The following ALOX5AP variants were observed in gnomAD, a reference collection of about 807,000 sequenced individuals.
ALOX5AP encodes the protein arachidonate 5-lipoxygenase activating protein, also known as arachidonate 5-lipoxygenase-activating protein.
ALOX5AP carries 9 observed loss-of-function variants against 18.5 expected under a neutral mutation model. The ratio of observed to expected loss-of-function variants is 0.49; its 90% CI spans 0.29 to 0.85. The LOEUF (loss-of-function observed/expected upper bound fraction) is 0.85, where lower values mean the gene tolerates loss of function less well. Among genes scored for constraint, ALOX5AP ranks in the 40% least tolerant of loss-of-function variants. ALOX5AP has a pLI of 0.08. For synonymous variants in ALOX5AP, 81 were observed against 78.6 expected (o/e 1.03, Z -0.16); for missense variants, 172 against 202.5 (o/e 0.85, Z 0.91).
chr13:30,746,106 T>C (rs1951807082), intron 2 of ALOX5AP, among the ~76,000 whole-genome samples: 1 of 152,236 alleles, frequency 6.6e-6, no homozygotes, highest in African/African-American at 2.4e-5. Flanking sequence ...TGCTTAGACC[T>C]GGGCTCGCTA....
chr13:30,728,563 T>A (rs1951656235), intron 1 of ALOX5AP, among the ~76,000 whole-genome samples: 1 of 152,252 alleles, frequency 6.6e-6, no homozygotes, highest in Admixed American at 6.5e-5. Flanking sequence ...ATGAAATACC[T>A]GAATGAAATT....
At chr13:30,742,677 G>A (rs1951776525) in intron 1 of ALOX5AP, 1 of 152,150 alleles carries the variant, frequency 6.6e-6, no homozygotes, top group Admixed American at 6.5e-5. Flanking sequence ...AACATGAAAG[G>A]CTTTTATTCC....
chr13:30,729,322 G>A (rs1951662625), intron 1 of ALOX5AP, among the ~76,000 whole-genome samples: 1 of 152,018 alleles, frequency 6.6e-6, no homozygotes, highest in Non-Finnish European at 1.5e-5. Context: ...TGATTTTTTG[G>A]AAGGGTCAAG....
upstream of ALOX5AP, among the ~76,000 whole-genome samples, chr13:30,730,547 C>T (rs1203030731): frequency 6.6e-6 from 1 of 152,158 alleles, no homozygotes; most frequent in Admixed American, 6.5e-5. Context: ...TGGCACAGAC[C>T]CCACCTCCTG....
chr13:30,729,386 A>G (rs756585453), intron 1 of ALOX5AP, among the ~76,000 whole-genome samples: 1 of 152,170 alleles, frequency 6.6e-6, no homozygotes, highest in Non-Finnish European at 1.5e-5. Flanking sequence ...CTTGTTAAAA[A>G]GACTTTCCTT....
At chr13:30,722,264 G>A (rs967529337) in intron 1 of ALOX5AP, among the ~76,000 whole-genome samples, 2 of 152,196 alleles carry the variant, frequency 1.3e-5, no homozygotes, top group African/African-American at 4.8e-5. Flanking sequence ...GTGATGTTAA[G>A]GCAGAAACCA....
At chr13:30,724,903 G>C (rs1177353670) in intron 1 of ALOX5AP, among the ~76,000 whole-genome samples, 2 of 152,208 alleles carry the variant, frequency 1.3e-5, no homozygotes, top group Non-Finnish European at 2.9e-5. Flanking sequence ...TTGCCAAGTT[G>C]ACTGCTTCCC....
chr13:30,757,298 CT>C (rs756477615), intron 4 of ALOX5AP, among the ~76,000 whole-genome samples: 1 of 152,172 alleles, frequency 6.6e-6, no homozygotes, highest in Non-Finnish European at 1.5e-5. Flanking sequence ...GCCTGTGAAG[CT>C]CAAGGACTTG....
At chr13:30,748,845 C>T (rs1490100121) in intron 2 of ALOX5AP, among the ~76,000 whole-genome samples, 3 of 152,240 alleles carry the variant, frequency 2.0e-5, no homozygotes, top group Non-Finnish European at 4.4e-5. Context: ...ACTCACATAG[C>T]CCATAAGAGG....
intron 1 of ALOX5AP, among the ~76,000 whole-genome samples, chr13:30,727,876 T>A (rs1445846572): frequency 6.6e-6 from 1 of 152,146 alleles, no homozygotes; most frequent in Non-Finnish European, 1.5e-5. Context: ...CCACACTTCA[T>A]GCCTTTCTTT....
chr13:30,753,249 CA>C (rs1271462740), intron 3 of ALOX5AP, among the ~76,000 whole-genome samples: 1 of 152,218 alleles, frequency 6.6e-6, no homozygotes, highest in Non-Finnish European at 1.5e-5. Context: ...CACCACGTGG[CA>C]CTCCTTCTGT....
At chr13:30,732,830 G>A (rs74688454), upstream of ALOX5AP, among the ~76,000 whole-genome samples, 2 of 152,078 alleles carry the variant, frequency 1.3e-5, no homozygotes, top group East Asian at 3.9e-4. Flanking sequence ...TAGAGAGAAG[G>A]GAAAGAGAGA....
rs183313471 is a variant in ALOX5AP, at chr13:30,748,451, A to G, written c.171-3601A>G. Reference sequence around the variant, plus strand: ...AGCAACGAATTCTTTTCTCCATAAAAACATGAATAGTGCAGCACATCAAGT... The same window carrying G: ...AGCAACGAATTCTTTTCTCCATAAAGACATGAATAGTGCAGCACATCAAGT... On this transcript the variant is annotated intron_variant, in intron 2 of 4. Transcript: ENST00000380490. Among the ~76,000 whole-genome samples the G allele has an allele frequency of 9.0e-4, 137 of 152,358 alleles. 1 individual carries two copies. The highest frequency in any genetic ancestry group is 3.1e-3 in the African/African-American group (127 of 41,584).
intron 1 of ALOX5AP, among the ~76,000 whole-genome samples, chr13:30,729,003 C>T (rs913118125): frequency 6.6e-6 from 1 of 152,184 alleles, no homozygotes; most frequent in Non-Finnish European, 1.5e-5. Flanking sequence ...TGTGTTATCT[C>T]ATTGTAGTTC....
At chr13:30,747,821 A>T (rs1331284519) in intron 2 of ALOX5AP, among the ~76,000 whole-genome samples, 4 of 152,060 alleles carry the variant, frequency 2.6e-5, no homozygotes, top group Non-Finnish European at 5.9e-5. Flanking sequence ...CTTTTTGCAG[A>T]GTGTATCAAA....
At chr13:30,731,375 ATTT>A (rs1181273858), upstream of ALOX5AP, among the ~76,000 whole-genome samples, 2 of 140,552 alleles carry the variant, frequency 1.4e-5, no homozygotes, top group Admixed American at 7.1e-5. Context: ...CCTTGACCAC[ATTT>A]TTTTTTTTTT....
chr13:30,713,574 C>T (rs1951525849), exon 1 of ALOX5AP: 1 of 628,088 alleles, frequency 1.6e-6, no homozygotes, highest in Non-Finnish European at 2.8e-6. Flanking sequence ...CTCTGCATGG[C>T]CTGATTCCTG....
At chr13:30,721,023 C>T (rs1951589349) in intron 1 of ALOX5AP, among the ~76,000 whole-genome samples, 2 of 152,132 alleles carry the variant, frequency 1.3e-5, no homozygotes, top group South Asian at 2.1e-4. Flanking sequence ...TATCTGGGGA[C>T]CCCACAGCCA....
intron 4 of ALOX5AP, among the ~76,000 whole-genome samples, chr13:30,758,299 C>T (rs1294952428): frequency 6.6e-6 from 1 of 152,202 alleles, no homozygotes; most frequent in Non-Finnish European, 1.5e-5. Context: ...CCCATCTCCT[C>T]CCCAGGCCTC....
Sources: gnomAD v4.1 joint callset for allele counts (sites outside exome capture counted in the v4.1 genomes callset) on GRCh38, gnomAD v4.1.1 for gene constraint, MANE v1.5 for transcripts, NCBI Gene and HGNC (gene_info 2026-07-23, HGNC 2026-07-21) for gene names.